NELL1: variants seen among roughly 807,000 people sequenced by gnomAD.
NELL1 encodes the protein protein kinase C-binding protein NELL1.
In NELL1, 76 loss-of-function variants were observed where a neutral mutation model predicts 107.4. The observed-to-expected ratio is 0.71, with a 90% CI of 0.59 to 0.86. NELL1 has a LOEUF of 0.86. Ranked by LOEUF, NELL1 falls within the 40% of genes least tolerant of loss-of-function variation. NELL1 has a pLI of 0.00. For synonymous variants in NELL1, 353 were observed against 341.2 expected (o/e 1.03, Z -0.38); for missense variants, 1,024 against 1,005.5 (o/e 1.02, Z -0.25).
chr11:20,998,074 T>A (rs1038899254), intron 12 of NELL1, among the ~76,000 whole-genome samples: 2 of 152,214 alleles, frequency 1.3e-5, no homozygotes, highest in Non-Finnish European at 2.9e-5. Flanking sequence ...CTATTATATT[T>A]CTTGTTACAA....
chr11:21,259,898 G>T (rs1195944515), intron 14 of NELL1, among the ~76,000 whole-genome samples: 1 of 151,730 alleles, frequency 6.6e-6, no homozygotes, highest in Non-Finnish European at 1.5e-5. Flanking sequence ...TTAGAGTAGG[G>T]TCATATGTGA....
At chr11:21,063,343 T>C (rs77664186) in intron 12 of NELL1, among the ~76,000 whole-genome samples, 4,687 of 152,224 alleles carry the variant, frequency 0.031, 110 homozygotes, top group Non-Finnish European at 0.049. Flanking sequence ...AGAGGTTTTA[T>C]TGGAGTTTTA....
At position 21,347,600 on chromosome 11, in the gene NELL1, C is replaced by T. The variant is rs1161315055; in HGVS notation, c.1550-23253C>T. On this transcript the variant is annotated intron_variant, in intron 14 of 19. Coordinates refer to ENST00000357134, the MANE Select transcript of NELL1 (RefSeq NM_006157.5). The stretch of plus-strand genomic sequence containing the variant: ...CTGGGCAACAAGAGCAAAACTCTGC[C>T]TAAAACAAACAAACAACAACAACAA... 5.9e-5 allele frequency among the ~76,000 whole-genome samples: 9 copies of T among 151,976 alleles called. No individual in the cohort carries two copies. In the East Asian group the frequency reaches 1.7e-3, roughly 29 times the overall value.
At chr11:21,524,147 G>A (rs1340305352) in intron 15 of NELL1, among the ~76,000 whole-genome samples, 1 of 152,028 alleles carries the variant, frequency 6.6e-6, no homozygotes, top group Non-Finnish European at 1.5e-5. Context: ...GTATGTATTT[G>A]GGAGTTAAGT....
chr11:21,535,600 A>G (rs898443960), intron 16 of NELL1, among the ~76,000 whole-genome samples: 3 of 152,174 alleles, frequency 2.0e-5, no homozygotes, highest in African/African-American at 7.2e-5. Flanking sequence ...TACTAAAAGT[A>G]TGGACTTTTG....
At chr11:21,248,215 C>T (rs565570920) in intron 14 of NELL1, among the ~76,000 whole-genome samples, 7 of 151,920 alleles carry the variant, frequency 4.6e-5, no homozygotes, top group South Asian at 2.1e-4. Context: ...TGTGGTGGCA[C>T]GCACCTTGTG....
At chr11:20,799,164 T>C (rs1857232309) in intron 3 of NELL1, among the ~76,000 whole-genome samples, 1 of 152,180 alleles carries the variant, frequency 6.6e-6, no homozygotes, top group African/African-American at 2.4e-5. Context: ...AGACAGTAAG[T>C]ACAAAGACTC....
chr11:21,503,862 T>G (rs911255445), intron 15 of NELL1, among the ~76,000 whole-genome samples: 9 of 152,262 alleles, frequency 5.9e-5, no homozygotes, highest in Admixed American at 1.3e-4. Flanking sequence ...TGGCTTTTTT[T>G]TTTTAAATAC....
chr11:21,100,402 C>T (rs1169001968), intron 12 of NELL1, among the ~76,000 whole-genome samples: 3 of 152,278 alleles, frequency 2.0e-5, no homozygotes, highest in Non-Finnish European at 4.4e-5. Context: ...ATTTTCAAAG[C>T]TTTTTTATCA....
chr11:20,739,252 G>T (rs1282303020), intron 2 of NELL1, among the ~76,000 whole-genome samples: 1 of 152,154 alleles, frequency 6.6e-6, no homozygotes, highest in Non-Finnish European at 1.5e-5. Flanking sequence ...ACCTTCCAGG[G>T]CCCGTTGACA....
chr11:21,429,920 T>C (rs1557464), intron 15 of NELL1, among the ~76,000 whole-genome samples: 45,846 of 152,058 alleles, frequency 0.3, 7,352 homozygotes, highest in East Asian at 0.4. Context: ...CTTTGGTGTC[T>C]CTATGTAAAA....
chr11:21,201,441 G>A (rs182491337), intron 13 of NELL1, among the ~76,000 whole-genome samples: 26 of 152,160 alleles, frequency 1.7e-4, no homozygotes, highest in South Asian at 4.2e-4. Context: ...TATTATTGGC[G>A]TATAGTAATG....
At chr11:21,489,404 A>AAAAAAAAC (rs1554922049) in intron 15 of NELL1, among the ~76,000 whole-genome samples, 1 of 137,200 alleles carries the variant, frequency 7.3e-6, no homozygotes, top group African/African-American at 3.0e-5. Flanking sequence ...AAAAAAAAAA[A>AAAAAAAAC]AAAACAGAAG....
chr11:21,198,116 G>A (rs1857193232), intron 13 of NELL1, among the ~76,000 whole-genome samples: 1 of 152,146 alleles, frequency 6.6e-6, no homozygotes, highest in Non-Finnish European at 1.5e-5. Context: ...ACATATGTCA[G>A]GCTCCTGGGT....
chr11:20,833,260 G>T (rs2134039464), intron 3 of NELL1, among the ~76,000 whole-genome samples: 1 of 152,028 alleles, frequency 6.6e-6, no homozygotes, highest in East Asian at 1.9e-4. Context: ...AACTAAAGTG[G>T]TATGTGGTAA....
chr11:21,407,683 C>T (rs1351508251), intron 15 of NELL1, among the ~76,000 whole-genome samples: 3 of 144,826 alleles, frequency 2.1e-5, no homozygotes, highest in Non-Finnish European at 4.5e-5. Flanking sequence ...TCTAGTATCT[C>T]TCCAAATTAC....
intron 9 of NELL1, among the ~76,000 whole-genome samples, chr11:20,936,620 A>G (rs1276676553): frequency 1.3e-5 from 2 of 152,146 alleles, no homozygotes; most frequent in African/African-American, 4.8e-5. Flanking sequence ...CTTAGTAATT[A>G]TACATTCACT....
At chr11:21,417,990 T>A (rs947446811) in intron 15 of NELL1, among the ~76,000 whole-genome samples, 2 of 152,144 alleles carry the variant, frequency 1.3e-5, no homozygotes, top group Non-Finnish European at 1.5e-5. Flanking sequence ...CCAAGCACTA[T>A]GCAAATTCTT....
At chr11:21,493,605 G>C (rs1335771413) in intron 15 of NELL1, among the ~76,000 whole-genome samples, 1 of 152,030 alleles carries the variant, frequency 6.6e-6, no homozygotes, top group East Asian at 1.9e-4. Context: ...CTATGGGTGG[G>C]ATGGGAAGCA....
Sources: gnomAD v4.1 joint callset for allele counts (sites outside exome capture counted in the v4.1 genomes callset) on GRCh38, gnomAD v4.1.1 for gene constraint, MANE v1.5 for transcripts, NCBI Gene and HGNC (gene_info 2026-07-23, HGNC 2026-07-21) for gene names.